Variants in KLF8 observed in about 807,000 individuals in gnomAD.
KLF8 encodes the protein KLF transcription factor 8.
Under a neutral mutation model 18.2 loss-of-function variants are expected in KLF8, and 10 were observed. That is an observed-to-expected ratio of 0.55 (90% CI 0.34 to 0.93). The LOEUF is 0.93. Ranked by LOEUF, KLF8 falls within the 40% of genes least tolerant of loss-of-function variation. The probability of loss-of-function intolerance (pLI) is 0.02; values close to 1 mark genes in which losing one functional copy is unlikely to be tolerated. For synonymous variants in KLF8, 109 were observed against 97.3 expected, an observed-to-expected ratio of 1.12 and a Z score of -0.71; for missense variants, 264 against 277.9, an observed-to-expected ratio of 0.95 and a Z score of 0.36.
At chrX:55,978,883 G>A in the KLF8 span, among the ~76,000 whole-genome samples, 2 of 111,487 alleles carry the variant, frequency 1.8e-5, no homozygotes, top group Non-Finnish European at 3.8e-5. Flanking sequence ...TACAAAGAAG[G>A]CAATCATATA....
At chrX:56,208,865 G>A in the KLF8 span, among the ~76,000 whole-genome samples, 1 of 111,884 alleles carries the variant, frequency 8.9e-6, no homozygotes, top group Non-Finnish European at 1.9e-5. Flanking sequence ...TTTAAGACTT[G>A]CATGTGATCT....
chrX:55,965,888 G>A, the KLF8 span, among the ~76,000 whole-genome samples: 33 of 111,596 alleles, frequency 3.0e-4, no homozygotes, highest in African/African-American at 1.1e-3. Flanking sequence ...ACCTACTCTG[G>A]CTCAGAGGGC....
At chrX:56,146,068 G>T in the KLF8 span, among the ~76,000 whole-genome samples, 8 of 112,184 alleles carry the variant, frequency 7.1e-5, no homozygotes, top group Admixed American at 5.7e-4. Context: ...AACAACAGAT[G>T]CTGGAGAGGA....
chrX:56,222,502 C>T, the KLF8 span, among the ~76,000 whole-genome samples: 1 of 112,644 alleles, frequency 8.9e-6, no homozygotes, highest in African/African-American at 3.2e-5. Context: ...CATAAAGGTT[C>T]TCCAAGCTCC....
the KLF8 span, among the ~76,000 whole-genome samples, chrX:56,058,301 T>TACACATATATATACATATATATAC: frequency 6.3e-5 from 2 of 31,836 alleles, no homozygotes; most frequent in East Asian, 1.4e-3. Context: ...TATATATATA[T>TACACATATATATACATATATATAC]ATATATATAT....
chrX:56,095,946 G>A, the KLF8 span, among the ~76,000 whole-genome samples: 137 of 111,356 alleles, frequency 1.2e-3, no homozygotes, highest in African/African-American at 4.4e-3. Context: ...TCACATTACT[G>A]GATATCATCC....
At chrX:56,064,296 C>A in the KLF8 span, among the ~76,000 whole-genome samples, 1 of 108,546 alleles carries the variant, frequency 9.2e-6, no homozygotes, top group Non-Finnish European at 1.9e-5. Flanking sequence ...TGTCTTTTTG[C>A]CTTTTTTTTC....
chrX:56,053,974 A>C, the KLF8 span, among the ~76,000 whole-genome samples: 1 of 110,645 alleles, frequency 9.0e-6, no homozygotes, highest in Non-Finnish European at 1.9e-5. Context: ...TTAATCTTTT[A>C]ATGCTTTTTC....
the KLF8 span, among the ~76,000 whole-genome samples, chrX:56,106,613 T>C: frequency 2.0e-4 from 22 of 112,093 alleles, no homozygotes; most frequent in East Asian, 5.4e-3. Flanking sequence ...GCCGTTTGTC[T>C]AACCTTATTT....
At chrX:56,174,255 T>C in the KLF8 span, among the ~76,000 whole-genome samples, 2 of 112,032 alleles carry the variant, frequency 1.8e-5, no homozygotes, top group Non-Finnish European at 3.8e-5. Flanking sequence ...CTCTTTTTAT[T>C]TGGAGATACG....
the KLF8 span, among the ~76,000 whole-genome samples, chrX:56,021,893 T>C: frequency 5.5e-5 from 6 of 109,071 alleles, no homozygotes; most frequent in Non-Finnish European, 1.1e-4. Flanking sequence ...TCATAAATAC[T>C]TCATAGCCTC....
the KLF8 span, among the ~76,000 whole-genome samples, chrX:56,162,040 G>C: frequency 1.8e-5 from 2 of 112,109 alleles, no homozygotes; most frequent in Admixed American, 1.9e-4. Flanking sequence ...GTCCACTCCA[G>C]ACCCTGTTTG....
chrX:56,160,203 G>A, the KLF8 span, among the ~76,000 whole-genome samples: 25 of 111,988 alleles, frequency 2.2e-4, no homozygotes, highest in Non-Finnish European at 3.4e-4. Flanking sequence ...GCAGTTTTGA[G>A]TGAGTTTCTT....
chrX:56,102,807 C>T, the KLF8 span, among the ~76,000 whole-genome samples: 325 of 109,986 alleles, frequency 3.0e-3, no homozygotes, highest in African/African-American at 0.01. Flanking sequence ...AACTTGCAGG[C>T]TTGTTGCATA....
intron 2 of KLF8, among the ~76,000 whole-genome samples, chrX:56,257,493 T>G: frequency 9.0e-6 from 1 of 111,578 alleles, no homozygotes; most frequent in Non-Finnish European, 1.9e-5. Context: ...TCAATGGTTT[T>G]TCAACCCTTG....
intron 1 of KLF8, among the ~76,000 whole-genome samples, chrX:56,241,336 T>C: frequency 9.0e-6 from 1 of 111,444 alleles, no homozygotes; most frequent in Non-Finnish European, 1.9e-5. Context: ...TGGCTAATTT[T>C]TGTATTTTTT....
At chrX:56,231,151 C>G, upstream of KLF8, among the ~76,000 whole-genome samples, 1 of 111,546 alleles carries the variant, frequency 9.0e-6, no homozygotes, top group East Asian at 2.8e-4. Context: ...AGACAAAGGC[C>G]AGATCACAGC....
the KLF8 span, among the ~76,000 whole-genome samples, chrX:56,047,965 GT>G: frequency 7.2e-5 from 8 of 111,719 alleles, no homozygotes. Context: ...ATTCTAACTG[GT>G]GTGAGATGGT....
chrX:56,194,414 G>A, the KLF8 span, among the ~76,000 whole-genome samples: 2 of 112,039 alleles, frequency 1.8e-5, no homozygotes, highest in African/African-American at 3.2e-5. Flanking sequence ...AGATTCCTGT[G>A]CCTGGCTTGG....
Sources: gnomAD v4.1 joint callset for allele counts (sites outside exome capture counted in the v4.1 genomes callset) on GRCh38, gnomAD v4.1.1 for gene constraint, MANE v1.5 for transcripts, NCBI Gene and HGNC (gene_info 2026-07-23, HGNC 2026-07-21) for gene names.